MAPRE3: variants seen among roughly 807,000 people sequenced by gnomAD.
MAPRE3 encodes microtubule associated protein RP/EB family member 3.
MAPRE3 carries 2 observed loss-of-function variants against 30.5 expected under a neutral mutation model. That is an observed-to-expected ratio of 0.07 (90% confidence interval 0.03 to 0.21). The LOEUF (loss-of-function observed/expected upper bound fraction) is 0.21. MAPRE3 is among the 10% of genes least tolerant of loss of function. The pLI, the probability that MAPRE3 is intolerant of heterozygous loss-of-function variation, is 1.00. For missense variants in MAPRE3, 204 were observed against 351.8 expected (o/e 0.58, Z 3.36); for synonymous variants, 110 against 127.7 (o/e 0.86, Z 0.93).
chr2:26,984,338 CAA>C (rs966039790), intron 1 of MAPRE3, among the ~76,000 whole-genome samples: 1 of 152,214 alleles, frequency 6.6e-6, no homozygotes, highest in Non-Finnish European at 1.5e-5. Flanking sequence ...CTCTGTCCCC[CAA>C]AGAGAATCAC....
At chr2:26,984,535 T>C (rs1432726596) in intron 1 of MAPRE3, among the ~76,000 whole-genome samples, 1 of 152,224 alleles carries the variant, frequency 6.6e-6, no homozygotes, top group Non-Finnish European at 1.5e-5. Context: ...CAGGGGGTGG[T>C]TTGGGTGGGC....
At chr2:26,981,362 C>T (rs1666109514) in intron 1 of MAPRE3, among the ~76,000 whole-genome samples, 1 of 151,750 alleles carries the variant, frequency 6.6e-6, no homozygotes, top group Non-Finnish European at 1.5e-5. Flanking sequence ...AGAGGAAGGG[C>T]CACAAGTTGA....
chr2:27,021,806 G>T (rs1248713283), intron 1 of MAPRE3, among the ~76,000 whole-genome samples: 2 of 152,124 alleles, frequency 1.3e-5, no homozygotes, highest in Non-Finnish European at 2.9e-5. Context: ...TTTATGTCTG[G>T]AAAATTCCTA....
intron 1 of MAPRE3, among the ~76,000 whole-genome samples, chr2:26,973,511 G>A (rs936128583): frequency 6.6e-6 from 1 of 151,864 alleles, no homozygotes; most frequent in Non-Finnish European, 1.5e-5. Flanking sequence ...GAATTTAGCC[G>A]AGTAACATTT....
intron 1 of MAPRE3, among the ~76,000 whole-genome samples, chr2:26,978,810 G>A (rs1666063276): frequency 6.6e-6 from 1 of 152,218 alleles, no homozygotes; most frequent in South Asian, 2.1e-4. Context: ...GGATATAAAG[G>A]AAATGAGACT....
chr2:26,991,963 T>C (rs1466855453), intron 1 of MAPRE3, among the ~76,000 whole-genome samples: 1 of 152,166 alleles, frequency 6.6e-6, no homozygotes, highest in East Asian at 1.9e-4. Context: ...ATTCCCTGCC[T>C]TTCACCACCA....
intron 1 of MAPRE3, among the ~76,000 whole-genome samples, chr2:27,006,382 C>A (rs562667721): frequency 1.3e-5 from 2 of 152,112 alleles, no homozygotes; most frequent in South Asian, 2.1e-4. Context: ...GGGACAGACC[C>A]CTGTAACAAA....
intron 1 of MAPRE3, among the ~76,000 whole-genome samples, chr2:26,978,187 C>T (rs1666049161): frequency 6.6e-6 from 1 of 152,130 alleles, no homozygotes; most frequent in Non-Finnish European, 1.5e-5. Flanking sequence ...TCCTGGTCAC[C>T]TTGTAATTTA....
chr2:26,973,565 T>G (rs1282546536), intron 1 of MAPRE3, among the ~76,000 whole-genome samples: 2 of 123,190 alleles, frequency 1.6e-5, no homozygotes, highest in African/African-American at 5.9e-5. Flanking sequence ...TTTTTTTTTT[T>G]GAGACGGAGT....
chr2:26,973,651 G>T (rs1228263819), intron 1 of MAPRE3, among the ~76,000 whole-genome samples: 2 of 151,686 alleles, frequency 1.3e-5, no homozygotes, highest in African/African-American at 4.8e-5. Flanking sequence ...GCTTCCCGGG[G>T]TTCACGCCAT....
chr2:26,996,702 A>C (rs767158923), intron 1 of MAPRE3, among the ~76,000 whole-genome samples: 7 of 152,134 alleles, frequency 4.6e-5, no homozygotes, highest in Non-Finnish European at 7.4e-5. Context: ...AGGCAGGAGA[A>C]TGGCGTGAAC....
chr2:27,004,152 C>G (rs1666669727), intron 1 of MAPRE3, among the ~76,000 whole-genome samples: 1 of 152,162 alleles, frequency 6.6e-6, no homozygotes, highest in Non-Finnish European at 1.5e-5. Context: ...CGCCTTTGCC[C>G]AGAGGATCTC....
chr2:27,017,519 C>G (rs1416950397), intron 1 of MAPRE3, among the ~76,000 whole-genome samples: 1 of 152,152 alleles, frequency 6.6e-6, no homozygotes, highest in African/African-American at 2.4e-5. Context: ...CTGAGAAGAC[C>G]TGGGCATTTT....
chr2:26,992,196 G>A (rs1666357793), intron 1 of MAPRE3, among the ~76,000 whole-genome samples: 1 of 151,726 alleles, frequency 6.6e-6, no homozygotes, highest in Non-Finnish European at 1.5e-5. Context: ...GAGAAGCGTA[G>A]TACTCATTCT....
intron 1 of MAPRE3, among the ~76,000 whole-genome samples, chr2:27,018,157 G>A (rs958886222): frequency 1.3e-5 from 2 of 152,026 alleles, no homozygotes; most frequent in Admixed American, 6.6e-5. Flanking sequence ...AAAGTGGCTC[G>A]GAAACTCCCA....
At chr2:27,008,184 TC>T (rs1196216506) in intron 1 of MAPRE3, among the ~76,000 whole-genome samples, 1 of 152,234 alleles carries the variant, frequency 6.6e-6, no homozygotes, top group East Asian at 1.9e-4. Flanking sequence ...ATTTTGTTCA[TC>T]AAAGCTTCCT....
At position 26,977,220 on chromosome 2, in the gene MAPRE3, T is replaced by C. The variant is rs1177355256; in HGVS notation, c.-8+6418T>C. 2.0e-5 allele frequency among the ~76,000 whole-genome samples: 3 copies of C among 152,236 alleles called. No individual in the cohort carries two copies. The East Asian group carries it at 5.8e-4, about 29-fold the overall frequency. ...AACGAATGGCTTTCCTTAGTGCTTG[T>C]TGGTGTTTTCTAAGCTTTTCTGCAT... is the stretch of plus-strand genomic sequence containing the variant. On this transcript the variant is annotated intron_variant, in intron 1 of 6. Coordinates refer to ENST00000233121, the MANE Select transcript of MAPRE3 (RefSeq NM_012326.4).
At chr2:27,018,927 A>T (rs4665937) in intron 1 of MAPRE3, among the ~76,000 whole-genome samples, 59,613 of 150,622 alleles carry the variant, frequency 0.4, 12,115 homozygotes, top group Admixed American at 0.52. Flanking sequence ...TTATTTATTT[A>T]TTTTTTGGAG....
At chr2:27,019,560 C>T (rs979637952) in intron 1 of MAPRE3, among the ~76,000 whole-genome samples, 9 of 152,300 alleles carry the variant, frequency 5.9e-5, no homozygotes, top group African/African-American at 1.9e-4. Flanking sequence ...ATGGTGAGCG[C>T]AAGGGCCAAG....
Sources: allele counts gnomAD v4.1 joint callset (sites outside exome capture counted in the v4.1 genomes callset), GRCh38; gene constraint gnomAD v4.1.1; transcripts MANE v1.5; gene names NCBI Gene and HGNC (gene_info 2026-07-23, HGNC 2026-07-21).